KLHL29: variants seen among roughly 807,000 people sequenced by gnomAD.
KLHL29 encodes the protein kelch like family member 29, also known as kelch-like protein 29.
In KLHL29, 21 loss-of-function variants were observed where a neutral mutation model predicts 80.4. The observed-to-expected ratio is 0.26, with a 90% CI of 0.19 to 0.38. KLHL29 has a LOEUF of 0.38. Among genes scored for constraint, KLHL29 ranks in the 10% least tolerant of loss-of-function variants. The probability of loss-of-function intolerance (pLI) is 1.00; values close to 1 mark genes in which losing one functional copy is unlikely to be tolerated. For missense variants in KLHL29, 867 were observed against 1,223.9 expected (o/e 0.71, Z 4.35); for synonymous variants, 511 against 526.8 (o/e 0.97, Z 0.41).
chr2:23,406,307 G>A (rs567395590), intron 1 of KLHL29, among the ~76,000 whole-genome samples: 51 of 121,046 alleles, frequency 4.2e-4, no homozygotes, highest in Admixed American at 6.1e-4. Context: ...CAGCCTGGGC[G>A]ACAAAGCAAG....
intron 1 of KLHL29, among the ~76,000 whole-genome samples, chr2:23,434,117 C>T (rs1476193542): frequency 2.0e-5 from 3 of 151,836 alleles, no homozygotes; most frequent in East Asian, 1.9e-4. Flanking sequence ...GTCAGGAGAT[C>T]GAGACCATCT....
intron 2 of KLHL29, among the ~76,000 whole-genome samples, chr2:23,521,706 CAG>C (rs924485892): frequency 1.4e-4 from 21 of 152,328 alleles, no homozygotes; most frequent in Middle Eastern, 6.8e-3. Flanking sequence ...TGGGAGGAAA[CAG>C]AGGCTCAGTT....
intron 3 of KLHL29, among the ~76,000 whole-genome samples, chr2:23,580,870 C>T (rs1378196449): frequency 6.8e-6 from 1 of 146,550 alleles, no homozygotes; most frequent in African/African-American, 2.5e-5. Context: ...CCTAGCTACT[C>T]AGGAGGCTGA....
intron 2 of KLHL29, among the ~76,000 whole-genome samples, chr2:23,526,077 G>T (rs2103474019): frequency 6.6e-6 from 1 of 152,342 alleles, no homozygotes; most frequent in South Asian, 2.1e-4. Flanking sequence ...GAAGGTAAAG[G>T]CTGAAAGGGA....
intron 1 of KLHL29, among the ~76,000 whole-genome samples, chr2:23,456,675 G>A (rs115263758): frequency 8.5e-4 from 129 of 152,338 alleles, no homozygotes; most frequent in Non-Finnish European, 1.6e-3. Context: ...CACATTGCAC[G>A]CTTCAGCCTG....
At chr2:23,678,615 G>A (rs1034941877) in intron 5 of KLHL29, among the ~76,000 whole-genome samples, 123 of 152,256 alleles carry the variant, frequency 8.1e-4, no homozygotes, top group Non-Finnish European at 1.7e-3. Flanking sequence ...CTAAATAAGT[G>A]CTCATAGCAG....
In KLHL29 at chr2:23,385,588, G is replaced by A. The variant is rs907860091; in HGVS notation, c.-346G>A. 10 of 169,824 alleles carry A rather than the reference G, an allele frequency of 5.9e-5. No homozygotes were observed. Among genetic ancestry groups the A allele is most frequent in the African/African-American group, 2.4e-4 (10 of 41,138 alleles). The allele number at this position is 169,824 out of a possible 1,614,324, so 10.5% of individuals were successfully genotyped here. Reference sequence around the variant, plus strand: ...GGAGGCGGCGGCGGCGGAGGAGGAGGAGGAACGAGGGGAGAAGGCGGAGAG... The same window carrying A: ...GGAGGCGGCGGCGGCGGAGGAGGAGAAGGAACGAGGGGAGAAGGCGGAGAG... On this transcript the variant is annotated 5_prime_UTR_variant, in exon 1 of 14. Transcript: ENST00000486442.
At chr2:23,654,575 G>A (rs559104947) in intron 5 of KLHL29, among the ~76,000 whole-genome samples, 18 of 152,088 alleles carry the variant, frequency 1.2e-4, no homozygotes, top group Admixed American at 7.2e-4. Context: ...TAATGGTGCC[G>A]CCTGAGGATT....
At chr2:23,390,516 G>T (rs1413076923) in intron 1 of KLHL29, among the ~76,000 whole-genome samples, 1 of 151,558 alleles carries the variant, frequency 6.6e-6, no homozygotes, top group African/African-American at 2.4e-5. Flanking sequence ...ATATGTATGT[G>T]TATATATATA....
chr2:23,593,649 AC>A (rs1273106080), intron 3 of KLHL29, among the ~76,000 whole-genome samples: 1 of 152,170 alleles, frequency 6.6e-6, no homozygotes, highest in Non-Finnish European at 1.5e-5. Context: ...TGGGGTCAGG[AC>A]CAGGGTGGTC....
At chr2:23,559,018 T>A (rs1179016459) in intron 2 of KLHL29, among the ~76,000 whole-genome samples, 1 of 151,864 alleles carries the variant, frequency 6.6e-6, no homozygotes, top group East Asian at 1.9e-4. Flanking sequence ...CTCAGGGGAC[T>A]GGATGAGAGT....
chr2:23,693,864 CA>C (rs1183976040), intron 8 of KLHL29, among the ~76,000 whole-genome samples: 1 of 152,148 alleles, frequency 6.6e-6, no homozygotes, highest in Non-Finnish European at 1.5e-5. Flanking sequence ...AGGGGATGGA[CA>C]GCCCGCAATG....
intron 1 of KLHL29, among the ~76,000 whole-genome samples, chr2:23,414,090 A>G (rs1666927648): frequency 6.6e-6 from 1 of 152,254 alleles, no homozygotes; most frequent in Non-Finnish European, 1.5e-5. Context: ...TCTTGAAGAC[A>G]GGATAAAGGA....
intron 3 of KLHL29, among the ~76,000 whole-genome samples, chr2:23,626,696 A>G (rs1191494220): frequency 6.6e-6 from 1 of 152,220 alleles, no homozygotes; most frequent in Non-Finnish European, 1.5e-5. Flanking sequence ...GTAGCGGCCC[A>G]TCCTACTCAG....
intron 1 of KLHL29, among the ~76,000 whole-genome samples, chr2:23,469,278 G>A (rs1664432817): frequency 6.6e-6 from 1 of 152,208 alleles, no homozygotes; most frequent in South Asian, 2.1e-4. Context: ...GTGACCTGGA[G>A]GGTGTTGGAG....
chr2:23,644,648 C>G (rs572971575), intron 5 of KLHL29, among the ~76,000 whole-genome samples: 3 of 152,376 alleles, frequency 2.0e-5, no homozygotes, highest in African/African-American at 2.4e-5. Context: ...GGACAGGACC[C>G]TGCAGGACTT....
At chr2:23,555,959 T>C (rs1264747244) in intron 2 of KLHL29, among the ~76,000 whole-genome samples, 1 of 152,148 alleles carries the variant, frequency 6.6e-6, no homozygotes, top group Non-Finnish European at 1.5e-5. Context: ...CCTGTGTGCA[T>C]TGAGACGCCA....
At chr2:23,415,357 T>C (rs1421165355) in intron 1 of KLHL29, among the ~76,000 whole-genome samples, 2 of 152,238 alleles carry the variant, frequency 1.3e-5, no homozygotes, top group African/African-American at 2.4e-5. Flanking sequence ...GAAAGGTGTT[T>C]CTTCTCTGTC....
Position 23,684,313 on chromosome 2 carries a change from TGAAAA to T in KLHL29, c.941-85_941-81del. On this transcript the variant is annotated intron_variant, in intron 5 of 13. Coordinates refer to ENST00000486442, the MANE Select transcript of KLHL29 (RefSeq NM_052920.2). This position sits in a 1 kb window ranked among gnomAD's most constrained non-coding sequence, Gnocchi z 4.4. ...AAGTATTTCCTATTTCTCTACTTCTTGAAAAAAGAAAAAAAACTTTTTTTAATTAA... is the reference window on the plus strand; with the variant it reads ...AAGTATTTCCTATTTCTCTACTTCTTAAGAAAAAAAACTTTTTTTAATTAA... 1 of 1,063,646 alleles carries T rather than the reference TGAAAA, an allele frequency of 9.4e-7. No homozygotes were observed. The highest frequency in any genetic ancestry group is 3.0e-5 in the East Asian group (1 of 33,792). The allele number at this position is 1,063,646 out of a possible 1,614,324, so 65.9% of individuals were successfully genotyped here.
Sources: gnomAD v4.1 joint callset for allele counts (sites outside exome capture counted in the v4.1 genomes callset) on GRCh38, gnomAD v4.1.1 for gene constraint, Gnocchi (gnomAD v3.1) non-coding constraint, MANE v1.5 for transcripts, NCBI Gene and HGNC (gene_info 2026-07-23, HGNC 2026-07-21) for gene names.